The following GALNT5 variants were observed in gnomAD, a reference collection of about 807,000 sequenced individuals.
The protein encoded by GALNT5 is polypeptide N-acetylgalactosaminyltransferase 5, also known as UDP-GalNAc:polypeptide N-acetylgalactosaminyltransferase 5.
GALNT5 carries 72 observed loss-of-function variants against 85.4 expected under a neutral mutation model. The ratio of observed to expected loss-of-function variants is 0.84; its 90% CI spans 0.70 to 1.03. The LOEUF (loss-of-function observed/expected upper bound fraction) is 1.03. Ranked by LOEUF, GALNT5 falls within the 50% of genes least tolerant of loss-of-function variation. The pLI, the probability that GALNT5 is intolerant of heterozygous loss-of-function variation, is 0.00. For synonymous variants in GALNT5, 404 were observed against 397.0 expected (o/e 1.02, Z -0.21); for missense variants, 1,137 against 1,135.5 (o/e 1.00, Z -0.02).
chr2:157,291,834 C>G (rs913792423), intron 3 of GALNT5, among the ~76,000 whole-genome samples: 14 of 152,192 alleles, frequency 9.2e-5, no homozygotes, highest in African/African-American at 3.4e-4. Context: ...ACTATAGGGT[C>G]ACTATAGTTA....
chr2:157,277,285 G>A (rs1467700363), intron 1 of GALNT5, among the ~76,000 whole-genome samples: 6 of 152,096 alleles, frequency 3.9e-5, no homozygotes, highest in Non-Finnish European at 7.4e-5. Flanking sequence ...GTGCTAAGAA[G>A]AATATATATT....
chr2:157,293,568 A>T (rs985273782), intron 3 of GALNT5, among the ~76,000 whole-genome samples: 9 of 152,120 alleles, frequency 5.9e-5, no homozygotes, highest in African/African-American at 1.9e-4. Context: ...TGAAAATAGG[A>T]CCCTTCCAGC....
intron 3 of GALNT5, among the ~76,000 whole-genome samples, chr2:157,292,224 A>C (rs1036115848): frequency 5.9e-5 from 9 of 152,188 alleles, no homozygotes; most frequent in African/African-American, 2.2e-4. Flanking sequence ...TGCTATGCTT[A>C]TTTCACTGTG....
chr2:157,308,616 G>C lies in GALNT5; in HGVS notation c.2570G>C (p.Trp857Ser). 6.2e-7 allele frequency: 1 copy of C among 1,613,478 alleles called. No individual in the cohort carries two copies. Among genetic ancestry groups the C allele is most frequent in the Non-Finnish European group, 8.5e-7 (1 of 1,179,566 alleles). ...TTAAGACTTATTAAATGTGGAGAAT[G>C]GTGTATAGCCCCCATCCCTGATAAA... ...TWLRLIKCGE[W>S]CIAPIPDKGA... Residue 857 changes from tryptophan (W) to serine (S), a missense_variant, in exon 9 of 10, where the codon TGG becomes TCG. By Grantham distance (177) the Trp-to-Ser change is radical (BLOSUM62 -3). Transcript: ENST00000259056.
At chr2:157,285,220 G>A (rs1229893137) in intron 2 of GALNT5, among the ~76,000 whole-genome samples, 1 of 152,212 alleles carries the variant, frequency 6.6e-6, no homozygotes. Flanking sequence ...ATCACACTGA[G>A]CTCAAGAAGC....
chr2:157,265,763 G>A (rs988888571), intron 1 of GALNT5, among the ~76,000 whole-genome samples: 18 of 152,106 alleles, frequency 1.2e-4, no homozygotes, highest in Admixed American at 3.3e-4. Context: ...GAAAATTCAG[G>A]GAAAATAGCA....
Position 157,286,014 on chromosome 2 carries a change from G to A in GALNT5, c.1622-1G>A. Reference sequence around the variant, plus strand: ...CCTGGTTTATCTTTACTCTGATGTAGACTATCTAAAAGATAATTTGGATAA... The same window carrying A: ...CCTGGTTTATCTTTACTCTGATGTAAACTATCTAAAAGATAATTTGGATAA... On this transcript the variant is annotated splice_acceptor_variant, in intron 2 of 9. Coordinates refer to ENST00000259056, the MANE Select transcript of GALNT5 (RefSeq NM_014568.3). LOFTEE classifies it high-confidence loss of function. 1 of 1,593,992 alleles carries A rather than the reference G, an allele frequency of 6.3e-7. No individual in the cohort carries two copies. The highest frequency in any genetic ancestry group is 8.6e-7 in the Non-Finnish European group (1 of 1,162,186).
At chr2:157,287,212 T>C (rs907232709) in intron 3 of GALNT5, among the ~76,000 whole-genome samples, 4 of 152,210 alleles carry the variant, frequency 2.6e-5, no homozygotes, top group Non-Finnish European at 4.4e-5. Flanking sequence ...CATTGATCCA[T>C]GAAAATATTC....
intron 1 of GALNT5, among the ~76,000 whole-genome samples, chr2:157,270,022 A>G (rs1442785666): frequency 6.6e-6 from 1 of 152,050 alleles, no homozygotes; most frequent in East Asian, 1.9e-4. Context: ...ATTTCTCATT[A>G]ATTTATATTA....
At position 157,283,331 on chromosome 2, in the gene GALNT5, G is replaced by A. The variant is rs543069869; in HGVS notation, c.1455-951G>A. On this transcript the variant is annotated intron_variant, in intron 1 of 9. Coordinates refer to ENST00000259056, the MANE Select transcript of GALNT5 (RefSeq NM_014568.3). ...TAGTAAGATGGCAAATACATTTTGT[G>A]AGGTTCCACTGGGCACTGCTTATGA... Among the ~76,000 whole-genome samples, 6 of 152,282 alleles carry A rather than the reference G, an allele frequency of 3.9e-5. No homozygotes were observed. The East Asian group carries it at 1.2e-3, about 29-fold the overall frequency.
chr2:157,298,905 T>C (rs576372131), intron 5 of GALNT5: 6 of 151,490 alleles, frequency 4.0e-5, no homozygotes, highest in African/African-American at 9.7e-5. Context: ...GAGGTTCTAG[T>C]AGAGAGCGCA....
intron 1 of GALNT5, among the ~76,000 whole-genome samples, chr2:157,274,570 T>C (rs932879104): frequency 6.6e-6 from 1 of 152,250 alleles, no homozygotes; most frequent in Non-Finnish European, 1.5e-5. Context: ...TGCATTTCTC[T>C]GATGACCAGT....
At chr2:157,297,694 G>A (rs551858706) in intron 5 of GALNT5, among the ~76,000 whole-genome samples, 24 of 152,292 alleles carry the variant, frequency 1.6e-4, no homozygotes, top group African/African-American at 5.1e-4. Context: ...AAATGGTGGC[G>A]GAGGGGAGAG....
At position 157,296,513 on chromosome 2, in the gene GALNT5, G is replaced by A; in HGVS notation, c.1997G>A (p.Arg666Lys). The change falls in exon 5 of 10, where the codon AGG (arginine) becomes AAG (lysine). Residue 666 changes from arginine (R) to lysine (K), a missense_variant and splice_region_variant. Coordinates refer to ENST00000259056, the MANE Select transcript of GALNT5 (RefSeq NM_014568.3). Reference protein sequence around the residue: ...KNRIKETDTIRCPVMAGGLFS... With the variant: ...KNRIKETDTIKCPVMAGGLFS... ...AGAATTAAAGAAACTGATACAATAAGGTAAGTGTGGGAAATTTAAGACTAG... is the reference window on the plus strand; with the variant it reads ...AGAATTAAAGAAACTGATACAATAAAGTAAGTGTGGGAAATTTAAGACTAG... 6.2e-7 allele frequency: 1 copy of A among 1,606,434 alleles called. No individual in the cohort carries two copies. Among genetic ancestry groups the A allele is most frequent in the African/African-American group, 1.3e-5 (1 of 74,766 alleles).
chr2:157,310,457 C>T (rs1415189133), intron 9 of GALNT5, among the ~76,000 whole-genome samples: 1 of 152,120 alleles, frequency 6.6e-6, no homozygotes, highest in Non-Finnish European at 1.5e-5. Context: ...GGTGACAATA[C>T]TTTTGTAGCA....
chr2:157,301,401 A>G lies in GALNT5; in HGVS notation c.2439+402A>G, dbSNP rs922986159. On this transcript the variant is annotated intron_variant, in intron 7 of 9. Coordinates refer to ENST00000259056, the MANE Select transcript of GALNT5 (RefSeq NM_014568.3). ...AACAGGCCACAGTTGATGACTCCTCAGTTAGAGTGGCTGAGAAATCCTCTC... is the reference window on the plus strand; with the variant it reads ...AACAGGCCACAGTTGATGACTCCTCGGTTAGAGTGGCTGAGAAATCCTCTC... The G allele has an allele frequency of 1.0e-4, 22 of 218,716 alleles. 1 individual carries two copies. In the Admixed American group the frequency reaches 1.2e-3, roughly 11 times the overall value. The allele number at this position is 218,716 out of a possible 1,614,324, so 13.5% of individuals were successfully genotyped here.
At chr2:157,281,311 C>T (rs1257136980) in intron 1 of GALNT5, among the ~76,000 whole-genome samples, 2 of 152,184 alleles carry the variant, frequency 1.3e-5, no homozygotes, top group Non-Finnish European at 2.9e-5. Context: ...GTGATCCACC[C>T]ACCCCGGCCT....
At chr2:157,302,368 C>T (rs1158115602) in intron 7 of GALNT5, 1 of 152,068 alleles carries the variant, frequency 6.6e-6, no homozygotes, top group Non-Finnish European at 1.5e-5. Context: ...TTACAAAATT[C>T]AACTGATAAA....
At chr2:157,294,150 A>T (rs1683158922) in intron 3 of GALNT5, among the ~76,000 whole-genome samples, 1 of 152,238 alleles carries the variant, frequency 6.6e-6, no homozygotes, top group African/African-American at 2.4e-5. Flanking sequence ...GTATCAAAGT[A>T]GTCAATTAAA....
Sources: gnomAD v4.1 joint callset for allele counts (sites outside exome capture counted in the v4.1 genomes callset) on GRCh38, gnomAD v4.1.1 for gene constraint, MANE v1.5 for transcripts, NCBI Gene and HGNC (gene_info 2026-07-23, HGNC 2026-07-21) for gene names.